BRAF: variants seen among roughly 807,000 people sequenced by gnomAD.
The protein encoded by BRAF is B-Raf proto-oncogene, serine/threonine kinase.
Under a neutral mutation model 104.6 loss-of-function variants are expected in BRAF, and 16 were observed. The ratio of observed to expected loss-of-function variants is 0.15; its 90% CI spans 0.10 to 0.23. The LOEUF (loss-of-function observed/expected upper bound fraction) is 0.23, where lower values mean the gene tolerates loss of function less well. Among genes scored for constraint, BRAF ranks in the 10% least tolerant of loss-of-function variants. The pLI is 1.00. For missense variants in BRAF, 541 were observed against 937.3 expected, an observed-to-expected ratio of 0.58 and a Z score of 5.52; for synonymous variants, 310 against 341.6, an observed-to-expected ratio of 0.91 and a Z score of 1.02.
Position 140,726,337 on chromosome 7 carries a change from G to A in BRAF, c.*157C>T. On this transcript the variant is annotated 3_prime_UTR_variant, in exon 20 of 20. Transcript: ENST00000644969. ...TTCCTAAAACATTCTTTCCTCTTTT[G>A]TTGGATGGGAAATTCCATTCTGTTC... 1 of 1,436,972 alleles carries A rather than the reference G, an allele frequency of 7.0e-7. No homozygotes were observed. 89.0% of individuals were successfully genotyped at this position (1,436,972 alleles called of 1,614,324 possible).
Position 140,723,955 on chromosome 7 carries a change from G to C in BRAF, c.*2539C>G, listed in dbSNP as rs1795452921. 9.6e-7 allele frequency: 1 copy of C among 1,041,172 alleles called. No individual in the cohort carries two copies. 64.5% of individuals were successfully genotyped at this position (1,041,172 alleles called of 1,614,324 possible). ...CTATTTTCATGTCATTTGTAAACTA[G>C]AGAAAAAACCTATTTCATAGAAAAA... On this transcript the variant is annotated 3_prime_UTR_variant, in exon 20 of 20. Coordinates refer to ENST00000644969, the MANE Select transcript of BRAF (RefSeq NM_001374258.1).
At chr7:140,819,785 C>T (rs1805280709) in intron 3 of BRAF, among the ~76,000 whole-genome samples, 1 of 152,008 alleles carries the variant, frequency 6.6e-6, no homozygotes, top group African/African-American at 2.4e-5. Context: ...ATAGGCAAAT[C>T]TATAGAGATA....
At chr7:140,731,610 A>G (rs1202351383) in intron 19 of BRAF, 3 of 152,216 alleles carry the variant, frequency 2.0e-5, no homozygotes, top group African/African-American at 7.2e-5. Context: ...TAGAGAGGAC[A>G]ATTTTAACTA....
intron 1 of BRAF, among the ~76,000 whole-genome samples, chr7:140,894,063 G>A (rs1216243136): frequency 6.6e-6 from 1 of 152,154 alleles, no homozygotes; most frequent in Non-Finnish European, 1.5e-5. Flanking sequence ...GAGCCCAGGA[G>A]GCAGAGGTTG....
chr7:140,917,320 CA>C (rs1441707000), intron 1 of BRAF, among the ~76,000 whole-genome samples: 1 of 152,210 alleles, frequency 6.6e-6, no homozygotes, highest in African/African-American at 2.4e-5. Context: ...CTCAGCCTCC[CA>C]AAGTGCTGAA....
At chr7:140,744,190 T>C (rs1409991755) in intron 17 of BRAF, among the ~76,000 whole-genome samples, 1 of 152,208 alleles carries the variant, frequency 6.6e-6, no homozygotes, top group Admixed American at 6.5e-5. Context: ...GGCATCAGCT[T>C]GACCTCTGCA....
chr7:140,768,567 C>T (rs1243601950), intron 14 of BRAF, among the ~76,000 whole-genome samples: 3 of 152,058 alleles, frequency 2.0e-5, no homozygotes, highest in African/African-American at 4.8e-5. Context: ...AATCATGCCT[C>T]ACTGTAGCCT....
chr7:140,808,163 CAGTG>C, intron 4 of BRAF, 101 bp from the exon 5 acceptor site: 2 of 889,846 alleles, frequency 2.2e-6, no homozygotes, highest in East Asian at 5.1e-5. Flanking sequence ...GGGCTAGTAA[CAGTG>C]AGGGAGGTTT....
chr7:140,741,147 G>C, intron 17 of BRAF: 1 of 152,080 alleles, frequency 6.6e-6, no homozygotes, highest in East Asian at 1.9e-4. Context: ...ATTCTTACTT[G>C]GCTATCAGTG....
At chr7:140,854,565 G>A (rs1685702103) in intron 1 of BRAF, among the ~76,000 whole-genome samples, 1 of 152,084 alleles carries the variant, frequency 6.6e-6, no homozygotes, top group South Asian at 2.1e-4. Context: ...AAGGATGGGA[G>A]AGAGAAAGTG....
intron 17 of BRAF, among the ~76,000 whole-genome samples, chr7:140,748,738 C>A (rs1324442345): frequency 6.6e-6 from 1 of 152,022 alleles, no homozygotes; most frequent in Non-Finnish European, 1.5e-5. Context: ...ATGTTAGTAC[C>A]TTTTGGAAGG....
At chr7:140,751,777 A>C (rs1442748395) in intron 16 of BRAF, among the ~76,000 whole-genome samples, 1 of 152,202 alleles carries the variant, frequency 6.6e-6, no homozygotes, top group Admixed American at 6.5e-5. Flanking sequence ...CAAACTTGGG[A>C]GTCCTATCTT....
chr7:140,832,462 G>A (rs138020686), intron 3 of BRAF, among the ~76,000 whole-genome samples: 17 of 152,234 alleles, frequency 1.1e-4, no homozygotes, highest in Admixed American at 5.2e-4. Flanking sequence ...ATGTTAATAA[G>A]AATTGAGAGA....
At chr7:140,861,828 T>G (rs1810447481) in intron 1 of BRAF, among the ~76,000 whole-genome samples, 1 of 152,140 alleles carries the variant, frequency 6.6e-6, no homozygotes, top group African/African-American at 2.4e-5. Context: ...TTCCCTACAC[T>G]TTACTATATA....
chr7:140,734,785 A>AAG lies in BRAF; in HGVS notation c.2248-16_2248-15insCT. 1 of 1,322,174 alleles carries AAG rather than the reference A, an allele frequency of 7.6e-7. No homozygotes were observed. The highest frequency in any genetic ancestry group is 9.9e-7 in the Non-Finnish European group (1 of 1,013,438). The allele number at this position is 1,322,174 out of a possible 1,614,324, so 81.9% of individuals were successfully genotyped here. Reference sequence around the variant, plus strand: ...GAGGCGAGAATCTACAAAAAAAAAAAGAAAAAAAAAAGAAAAAAAAAGAAA... The same window carrying AAG: ...GAGGCGAGAATCTACAAAAAAAAAAAAGGAAAAAAAAAAGAAAAAAAAAGAAA... On this transcript the variant is annotated splice_polypyrimidine_tract_variant and intron_variant, in intron 18 of 19. Coordinates refer to ENST00000644969, the MANE Select transcript of BRAF (RefSeq NM_001374258.1).
chr7:140,733,170 G>A (rs988884986), intron 19 of BRAF: 3 of 152,084 alleles, frequency 2.0e-5, no homozygotes, highest in African/African-American at 7.2e-5. Context: ...GATTTTCCTG[G>A]ATGACATCTA....
In BRAF at chr7:140,794,301, T is replaced by C. The variant is rs1269596675; in HGVS notation, c.1140+7A>G. 1.2e-5 allele frequency: 19 copies of C among 1,613,742 alleles called. No homozygotes were observed. The highest frequency in any genetic ancestry group is 4.0e-5 in the African/African-American group (3 of 74,914). On this transcript the variant is annotated splice_region_variant and intron_variant, in intron 8 of 19. Coordinates refer to ENST00000644969, the MANE Select transcript of BRAF (RefSeq NM_001374258.1). ...TTTTTTTAGTTCTAGCAATGCTGGA[T>C]ACTTACATCAATATTGACAGGTTCT...
rs1478484475 is a variant in BRAF, at chr7:140,924,013, G to A, written c.138+553C>T. ...AGACTAAATCAAAATAATTTGCTGG[G>A]TAAAACAGGTGAAGAGAAATCCCCA... On this transcript the variant is annotated intron_variant, in intron 1 of 19. Transcript: ENST00000644969. The surrounding 1 kb of genome is among the most constrained non-coding windows in gnomAD (Gnocchi z 4.2). Among the ~76,000 whole-genome samples the A allele has an allele frequency of 6.6e-6, 1 of 152,080 alleles. No individual in the cohort carries two copies. The highest frequency in any genetic ancestry group is 2.4e-5 in the African/African-American group (1 of 41,398).
At chr7:140,906,928 A>G (rs927796310) in intron 1 of BRAF, among the ~76,000 whole-genome samples, 2 of 152,134 alleles carry the variant, frequency 1.3e-5, no homozygotes, top group Non-Finnish European at 2.9e-5. Flanking sequence ...AAATTCATTA[A>G]CCTTCTTAAA....
Sources: allele counts gnomAD v4.1 joint callset (sites outside exome capture counted in the v4.1 genomes callset), GRCh38; gene constraint gnomAD v4.1.1; non-coding constraint Gnocchi (gnomAD v3.1); transcripts MANE v1.5; gene names NCBI Gene and HGNC (gene_info 2026-07-23, HGNC 2026-07-21).